PRKCE: variants seen among roughly 807,000 people sequenced by gnomAD.
The protein encoded by PRKCE is protein kinase C epsilon.
PRKCE carries 16 observed loss-of-function variants against 85.4 expected under a neutral mutation model. That is an observed-to-expected ratio of 0.19 (90% CI 0.13 to 0.28). The LOEUF (loss-of-function observed/expected upper bound fraction) is 0.28, where lower values mean the gene tolerates loss of function less well. Ranked by LOEUF, PRKCE falls within the 10% of genes least tolerant of loss-of-function variation. PRKCE has a pLI of 1.00. For synonymous variants in PRKCE, 388 were observed against 371.5 expected, an observed-to-expected ratio of 1.04 and a Z score of -0.51; for missense variants, 573 against 975.2, an observed-to-expected ratio of 0.59 and a Z score of 5.49.
intron 13 of PRKCE, among the ~76,000 whole-genome samples, chr2:46,154,897 G>A (rs1259868509): frequency 6.6e-6 from 1 of 152,104 alleles, no homozygotes; most frequent in Non-Finnish European, 1.5e-5. Context: ...CTTCGTGAGG[G>A]CAGGAACGTT....
chr2:45,717,452 T>A (rs1323284634), intron 1 of PRKCE, among the ~76,000 whole-genome samples: 1 of 152,238 alleles, frequency 6.6e-6, no homozygotes, highest in Non-Finnish European at 1.5e-5. Context: ...CATAGATAAG[T>A]ATGTATTTTG....
At chr2:46,061,331 A>C in intron 10 of PRKCE, among the ~76,000 whole-genome samples, 1 of 151,776 alleles carries the variant, frequency 6.6e-6, no homozygotes, top group East Asian at 2.0e-4. Flanking sequence ...GCTGGTCTCA[A>C]AACTCCTGGG....
intron 2 of PRKCE, among the ~76,000 whole-genome samples, chr2:45,880,031 C>G (rs1307409039): frequency 1.3e-5 from 2 of 151,798 alleles, no homozygotes; most frequent in African/African-American, 4.8e-5. Context: ...TTTCCCTTAC[C>G]CTTCCCAGTA....
At chr2:45,920,578 C>G (rs1360643956) in intron 2 of PRKCE, among the ~76,000 whole-genome samples, 1 of 152,206 alleles carries the variant, frequency 6.6e-6, no homozygotes, top group Non-Finnish European at 1.5e-5. Flanking sequence ...GAATGAAGCA[C>G]TGACATGGAT....
intron 11 of PRKCE, among the ~76,000 whole-genome samples, chr2:46,111,353 A>G (rs551352335): frequency 1.3e-5 from 2 of 152,178 alleles, no homozygotes; most frequent in Non-Finnish European, 2.9e-5. Flanking sequence ...TTCACATACT[A>G]TATAATTCAT....
chr2:46,158,484 A>G (rs766219801), intron 13 of PRKCE, among the ~76,000 whole-genome samples: 3 of 152,068 alleles, frequency 2.0e-5, no homozygotes, highest in Non-Finnish European at 4.4e-5. Flanking sequence ...CCTGACTCAC[A>G]CCTACTCTCC....
intron 1 of PRKCE, among the ~76,000 whole-genome samples, chr2:45,805,346 T>C (rs970261724): frequency 6.6e-6 from 1 of 151,938 alleles, no homozygotes; most frequent in East Asian, 1.9e-4. Flanking sequence ...TGGTGAGGGG[T>C]CATCACACAA....
intron 1 of PRKCE, among the ~76,000 whole-genome samples, chr2:45,775,544 G>A (rs1685681608): frequency 6.6e-6 from 1 of 152,204 alleles, no homozygotes; most frequent in Non-Finnish European, 1.5e-5. Flanking sequence ...TGGAAAGTGG[G>A]AGCTGAAACT....
intron 1 of PRKCE, among the ~76,000 whole-genome samples, chr2:45,705,889 G>A (rs939703763): frequency 2.0e-5 from 3 of 152,136 alleles, no homozygotes; most frequent in Non-Finnish European, 4.4e-5. Flanking sequence ...TGGGACCTGG[G>A]GTCTTTCTGA....
chr2:46,052,839 AATGAACACTTAACCTTT>A lies in PRKCE; in HGVS notation c.1438-33366_1438-33350del, dbSNP rs528695241. 3.4e-3 allele frequency among the ~76,000 whole-genome samples: 515 copies of A among 152,366 alleles called. 5 individuals carry two copies. The highest frequency in any genetic ancestry group is 5.7e-3 in the Non-Finnish European group (387 of 68,024). On this transcript the variant is annotated intron_variant, in intron 10 of 14. Transcript: ENST00000306156. The stretch of plus-strand genomic sequence containing the variant: ...AACAGAACAGAGTTGAGAGTTCAGA[AATGAACACTTAACCTTT>A]ATCATCAATTGATTTCCAAGAAGAG...
rs1339241185 is a variant in PRKCE, at chr2:46,003,767, T to C, written c.967-775T>C. Among the ~76,000 whole-genome samples the C allele has an allele frequency of 2.6e-5, 4 of 152,232 alleles. No individual in the cohort carries two copies. In the East Asian group the frequency reaches 7.7e-4, roughly 29 times the overall value. On this transcript the variant is annotated intron_variant, in intron 7 of 14. Coordinates refer to ENST00000306156, the MANE Select transcript of PRKCE (RefSeq NM_005400.3). The stretch of plus-strand genomic sequence containing the variant: ...CTTTGCTTAGAAAGGTCAATTGTAT[T>C]TGGATAGAATTAAAAGTGAACAAAC...
intron 2 of PRKCE, among the ~76,000 whole-genome samples, chr2:45,850,247 C>G (rs1013285233): frequency 6.6e-6 from 1 of 152,118 alleles, no homozygotes; most frequent in Non-Finnish European, 1.5e-5. Context: ...GACTGGTGTG[C>G]CTGTCTTACC....
At chr2:46,049,184 A>G (rs1422429887) in intron 10 of PRKCE, among the ~76,000 whole-genome samples, 1 of 152,046 alleles carries the variant, frequency 6.6e-6, no homozygotes, top group Non-Finnish European at 1.5e-5. Flanking sequence ...CATTTTTCCT[A>G]GACGTTTCCT....
intron 10 of PRKCE, among the ~76,000 whole-genome samples, chr2:46,061,369 C>T (rs148681902): frequency 2.6e-5 from 4 of 152,228 alleles, no homozygotes; most frequent in African/African-American, 9.6e-5. Flanking sequence ...CCTCAGCCTC[C>T]CAAAGGGTTG....
Position 45,905,291 on chromosome 2 carries a change from G to A in PRKCE, c.412+62228G>A, listed in dbSNP as rs551199646. ...TTGGAATCTGGTAGTGGGAAAACAG[G>A]GAAGCTCCAAAAAAAAAGTAACTCA... On this transcript the variant is annotated intron_variant, in intron 2 of 14. Coordinates refer to ENST00000306156, the MANE Select transcript of PRKCE (RefSeq NM_005400.3). The surrounding 1 kb of genome is among the most constrained non-coding windows in gnomAD (Gnocchi z 4.4). 2.0e-5 allele frequency among the ~76,000 whole-genome samples: 3 copies of A among 152,148 alleles called. No individual in the cohort carries two copies. Among genetic ancestry groups the A allele is most frequent in the South Asian group, 4.1e-4 (2 of 4,820 alleles).
In PRKCE at chr2:46,145,478, C is replaced by T. The variant is rs1263627984; in HGVS notation, c.1731+247C>T. On this transcript the variant is annotated intron_variant, in intron 12 of 14. Transcript: ENST00000306156. The surrounding 1 kb of genome is among the most constrained non-coding windows in gnomAD (Gnocchi z 4.6). Reference sequence around the variant, plus strand: ...GCTATTTCCCAAACCCGGGCAAGTTCACACTGAACATCTCTTTCCCATCCT... The same window carrying T: ...GCTATTTCCCAAACCCGGGCAAGTTTACACTGAACATCTCTTTCCCATCCT... 6.6e-6 allele frequency among the ~76,000 whole-genome samples: 1 copy of T among 152,196 alleles called. No individual in the cohort carries two copies. The highest frequency in any genetic ancestry group is 1.5e-5 in the Non-Finnish European group (1 of 68,032).
intron 1 of PRKCE, among the ~76,000 whole-genome samples, chr2:45,815,678 A>G (rs905539892): frequency 4.6e-5 from 7 of 152,216 alleles, no homozygotes; most frequent in African/African-American, 1.7e-4. Flanking sequence ...TGTTTTATGG[A>G]TAGAATATCC....
At chr2:45,829,412 G>T (rs10865209) in intron 1 of PRKCE, among the ~76,000 whole-genome samples, 94,821 of 152,008 alleles carry the variant, frequency 0.62, 30,715 homozygotes, top group African/African-American at 0.8. Context: ...GTTTTTGTTT[G>T]GGTTTGGTTT....
At position 45,851,262 on chromosome 2, in the gene PRKCE, T is replaced by C. The variant is rs1356445675; in HGVS notation, c.412+8199T>C. Among the ~76,000 whole-genome samples, 3 of 152,244 alleles carry C rather than the reference T, an allele frequency of 2.0e-5. No individual in the cohort carries two copies. The East Asian group carries it at 5.8e-4, about 29-fold the overall frequency. On this transcript the variant is annotated intron_variant, in intron 2 of 14. Transcript: ENST00000306156. ...AAATAAAGAGGGACTAGTATTTGATTGACCACAATTTGAACTTTTCAGGAA... is the reference window on the plus strand; with the variant it reads ...AAATAAAGAGGGACTAGTATTTGATCGACCACAATTTGAACTTTTCAGGAA...
Sources: allele counts gnomAD v4.1 joint callset (sites outside exome capture counted in the v4.1 genomes callset), GRCh38; gene constraint gnomAD v4.1.1; non-coding constraint Gnocchi (gnomAD v3.1); transcripts MANE v1.5; gene names NCBI Gene and HGNC (gene_info 2026-07-23, HGNC 2026-07-21).